Variants in CRTC1 observed in about 807,000 individuals in gnomAD.
CRTC1 encodes CREB-regulated transcription coactivator 1.
Under a neutral mutation model 66.1 loss-of-function variants are expected in CRTC1, and 18 were observed. The observed-to-expected ratio is 0.27, with a 90% CI of 0.19 to 0.40. CRTC1 has a LOEUF of 0.40. Ranked by LOEUF, CRTC1 falls within the 10% of genes least tolerant of loss-of-function variation. The pLI is 1.00. For synonymous variants in CRTC1, 416 were observed against 398.8 expected, an observed-to-expected ratio of 1.04 and a Z score of -0.51; for missense variants, 669 against 887.9, an observed-to-expected ratio of 0.75 and a Z score of 3.13.
chr19:18,718,770 C>G (rs572297182), intron 1 of CRTC1, among the ~76,000 whole-genome samples: 1 of 152,240 alleles, frequency 6.6e-6, no homozygotes, highest in African/African-American at 2.4e-5. Flanking sequence ...TACACACACT[C>G]ATGTATGATT....
chr19:18,707,446 T>G (rs1472203915), intron 1 of CRTC1, among the ~76,000 whole-genome samples: 2 of 152,210 alleles, frequency 1.3e-5, no homozygotes, highest in African/African-American at 4.8e-5. Flanking sequence ...TTTATTCTAT[T>G]CCATTGGTCT....
intron 1 of CRTC1, among the ~76,000 whole-genome samples, chr19:18,732,641 G>A (rs1005697811): frequency 6.6e-6 from 1 of 152,168 alleles, no homozygotes; most frequent in African/African-American, 2.4e-5. Flanking sequence ...AATGGGAACT[G>A]TTGTGGAAGG....
chr19:18,721,590 G>A (rs1022740078), intron 1 of CRTC1, among the ~76,000 whole-genome samples: 1 of 151,286 alleles, frequency 6.6e-6, no homozygotes, highest in African/African-American at 2.4e-5. Context: ...TGCCTCCTGG[G>A]GTCAAGCGAT....
chr19:18,720,219 A>G (rs2053593289), intron 1 of CRTC1, among the ~76,000 whole-genome samples: 1 of 152,156 alleles, frequency 6.6e-6, no homozygotes, highest in Non-Finnish European at 1.5e-5. Context: ...GCTGAAGTGT[A>G]GTGACGCGAT....
At position 18,753,480 on chromosome 19, in the gene CRTC1, T is replaced by C. The variant is rs1395802784; in HGVS notation, c.539-20T>C. 4 of 1,571,728 alleles carry C rather than the reference T, an allele frequency of 2.5e-6. No individual in the cohort carries two copies. Among genetic ancestry groups the C allele is most frequent in the Non-Finnish European group, 8.7e-7 (1 of 1,150,424 alleles). On this transcript the variant is annotated intron_variant, in intron 5 of 13. Coordinates refer to ENST00000321949, the MANE Select transcript of CRTC1 (RefSeq NM_015321.3). ...GAAATTTCTTCTCTGATTCTCCTTC[T>C]CCCCCTCCCACCTCCCCAGTCTTAC...
At chr19:18,766,383 C>A (rs113227884) in intron 9 of CRTC1, among the ~76,000 whole-genome samples, 19,909 of 149,456 alleles carry the variant, frequency 0.13, 1,448 homozygotes, top group Middle Eastern at 0.21. Flanking sequence ...AAGTGATCTG[C>A]CTCCTTTGGC....
At chr19:18,770,845 CATGTGG>C (rs981488855) in intron 10 of CRTC1, among the ~76,000 whole-genome samples, 5 of 142,138 alleles carry the variant, frequency 3.5e-5, no homozygotes, top group African/African-American at 5.3e-5. Context: ...TGTGGGTGTG[CATGTGG>C]GTGTGGGTGT....
At position 18,771,991 on chromosome 19, in the gene CRTC1, C is replaced by G. The variant is rs1403807143; in HGVS notation, c.1425+445C>G. Among the ~76,000 whole-genome samples, 1 of 152,184 alleles carries G rather than the reference C, an allele frequency of 6.6e-6. No individual in the cohort carries two copies. Among genetic ancestry groups the G allele is most frequent in the East Asian group, 1.9e-4 (1 of 5,192 alleles). On this transcript the variant is annotated intron_variant, in intron 11 of 13. Coordinates refer to ENST00000321949, the MANE Select transcript of CRTC1 (RefSeq NM_015321.3). This position sits in a 1 kb window ranked among gnomAD's most constrained non-coding sequence, Gnocchi z 4.6. Reference sequence around the variant, plus strand: ...CTCTGCAGCCCTGCTTTCCCCTTCACCCCATAGGCAGCTGTGTTTCTCCAG... The same window carrying G: ...CTCTGCAGCCCTGCTTTCCCCTTCAGCCCATAGGCAGCTGTGTTTCTCCAG...
chr19:18,733,832 C>A (rs1010977845), intron 1 of CRTC1, among the ~76,000 whole-genome samples: 1 of 152,170 alleles, frequency 6.6e-6, no homozygotes, highest in Non-Finnish European at 1.5e-5. Context: ...AACAGAGGGG[C>A]TGGCTGGGCG....
chr19:18,697,527 C>T (rs1218781166), intron 1 of CRTC1, among the ~76,000 whole-genome samples: 2 of 152,230 alleles, frequency 1.3e-5, no homozygotes, highest in East Asian at 1.9e-4. Context: ...CCAGGCTGGT[C>T]TCCAACTTCT....
chr19:18,725,572 C>T lies in CRTC1; in HGVS notation c.127-17338C>T, dbSNP rs148930817. Among the ~76,000 whole-genome samples the T allele has an allele frequency of 4.1e-3, 618 of 152,276 alleles. 4 individuals are homozygous for T. Among genetic ancestry groups the T allele is most frequent in the African/African-American group, 0.014 (589 of 41,558 alleles). On this transcript the variant is annotated intron_variant, in intron 1 of 13. Transcript: ENST00000321949. ...CATCAGTGCCAGACCTGTGGCTATG[C>T]GTGCTCACAGGGGCACCAGGCTGCC...
chr19:18,746,906 G>T, intron 3 of CRTC1, 147 bp from the exon 4 acceptor site: 1 of 678,928 alleles, frequency 1.5e-6, no homozygotes, highest in Non-Finnish European at 2.6e-6. Context: ...AGGCCGGCAG[G>T]AAACGCCCCC....
chr19:18,769,435 G>A (rs776764353), intron 10 of CRTC1, among the ~76,000 whole-genome samples: 6 of 152,214 alleles, frequency 3.9e-5, no homozygotes, highest in African/African-American at 7.2e-5. Context: ...CTTGTGTTCC[G>A]GGCACAATGA....
At chr19:18,759,964 C>CCTGTCCCCCCCACCA in intron 7 of CRTC1, 44 bp from the exon 8 acceptor site, 3 of 1,480,698 alleles carry the variant, frequency 2.0e-6, no homozygotes, top group South Asian at 1.3e-5. Flanking sequence ...CCGCCAGCCC[C>CCTGTCCCCCCCACCA]GCCCCATGAG....
intron 9 of CRTC1, among the ~76,000 whole-genome samples, chr19:18,767,300 A>C (rs1414069247): frequency 2.6e-5 from 4 of 151,828 alleles, no homozygotes; most frequent in African/African-American, 9.7e-5. Flanking sequence ...CCCAGGTTCA[A>C]GCGATTTTCG....
At chr19:18,772,102 A>G (rs1032004733) in intron 11 of CRTC1, among the ~76,000 whole-genome samples, 3 of 152,162 alleles carry the variant, frequency 2.0e-5, no homozygotes, top group East Asian at 3.9e-4. Context: ...GACTGAGGTC[A>G]GCCTCAAACC....
intron 2 of CRTC1, among the ~76,000 whole-genome samples, chr19:18,744,399 T>C (rs2054183348): frequency 6.6e-6 from 1 of 152,118 alleles, no homozygotes; most frequent in Non-Finnish European, 1.5e-5. Flanking sequence ...GCAGATGCCA[T>C]AGCCGCGCAT....
At position 18,765,549 on chromosome 19, in the gene CRTC1, GC is replaced by G. The variant is rs774177331; in HGVS notation, c.1011+22del. The G allele has an allele frequency of 7.5e-6, 12 of 1,591,946 alleles. No homozygotes were observed. In the East Asian group the frequency reaches 2.7e-4, roughly 36 times the overall value. On this transcript the variant is annotated intron_variant, in intron 9 of 13. Coordinates refer to ENST00000321949, the MANE Select transcript of CRTC1 (RefSeq NM_015321.3). ...CTCAGGTGCGAGGGCAAGGTGGGGGGCAGGTGGGAGGGGGAAAGGGAAAGGT... is the reference window on the plus strand; with the variant it reads ...CTCAGGTGCGAGGGCAAGGTGGGGGGAGGTGGGAGGGGGAAAGGGAAAGGT...
intron 1 of CRTC1, among the ~76,000 whole-genome samples, chr19:18,722,531 G>A (rs2053652963): frequency 6.6e-6 from 1 of 152,228 alleles, no homozygotes; most frequent in Non-Finnish European, 1.5e-5. Context: ...CAGCGAGAAG[G>A]CCACGTGATG....
Sources: gnomAD v4.1 joint callset for allele counts (sites outside exome capture counted in the v4.1 genomes callset) on GRCh38, gnomAD v4.1.1 for gene constraint, Gnocchi (gnomAD v3.1) non-coding constraint, MANE v1.5 for transcripts, NCBI Gene and HGNC (gene_info 2026-07-23, HGNC 2026-07-21) for gene names.